RNF32: variants seen among roughly 807,000 people sequenced by gnomAD.
RNF32 encodes the protein ring finger protein 32.
In RNF32, 36 loss-of-function variants were observed where a neutral mutation model predicts 41.0. The observed-to-expected ratio is 0.88, with a 90% CI of 0.67 to 1.16. The LOEUF (loss-of-function observed/expected upper bound fraction) is 1.16. RNF32 is among the 50% of genes most tolerant of loss of function. RNF32 has a pLI of 0.00. For synonymous variants in RNF32, 154 were observed against 160.9 expected (o/e 0.96, Z 0.32); for missense variants, 413 against 436.7 (o/e 0.95, Z 0.48).
At chr7:156,640,701 G>A (rs937099372), upstream of RNF32, 1 of 286,326 alleles carries the variant, frequency 3.5e-6, no homozygotes, top group African/African-American at 2.4e-5. Flanking sequence ...CAAGCCCGCG[G>A]GGAGCGAGCG....
intron 8 of RNF32, 195 bp from the exon 9 acceptor site, chr7:156,676,224 A>C: frequency 6.7e-7 from 1 of 1,501,574 alleles, no homozygotes; most frequent in Non-Finnish European, 8.9e-7. Context: ...AGTTCCCAGG[A>C]GTAACAGAGT....
intron 7 of RNF32, chr7:156,660,079 C>T: frequency 1.0e-6 from 1 of 985,920 alleles, no homozygotes; most frequent in Non-Finnish European, 1.2e-6. Flanking sequence ...ATCCTTGGTT[C>T]ATCCCAACTG....
intron 3 of RNF32, among the ~76,000 whole-genome samples, chr7:156,650,588 ATT>A (rs1798585732): frequency 6.6e-6 from 1 of 152,180 alleles, no homozygotes; most frequent in Non-Finnish European, 1.5e-5. Flanking sequence ...TAAGGTCTTG[ATT>A]AGTTTATAAA....
upstream of RNF32, chr7:156,640,639 CG>C: frequency 2.7e-6 from 1 of 364,816 alleles, no homozygotes; most frequent in South Asian, 1.9e-5. Context: ...GTGGGCCGGG[CG>C]GGGCTGGCGA....
rs531589717 is a variant in RNF32 at position 156,642,029 on chromosome 7, G to A, written c.-78+1218G>A. ...TGTGCTTTTCTATCTCTCCACTCAC[G>A]CCTTAGTGAGTTTGTTCTTTCGGTT... On this transcript the variant is annotated intron_variant, in intron 1 of 8. Coordinates refer to ENST00000317955, the MANE Select transcript of RNF32 (RefSeq NM_030936.4). 1.7e-4 allele frequency among the ~76,000 whole-genome samples: 26 copies of A among 152,264 alleles called. 1 individual carries two copies. In the South Asian group the frequency reaches 3.7e-3, roughly 22 times the overall value.
intron 7 of RNF32, among the ~76,000 whole-genome samples, chr7:156,664,378 T>G (rs966286278): frequency 6.6e-6 from 1 of 152,066 alleles, no homozygotes; most frequent in African/African-American, 2.4e-5. Context: ...GGAGAATAGC[T>G]TGCACCCGGG....
At chr7:156,664,020 C>T (rs575319688) in intron 7 of RNF32, among the ~76,000 whole-genome samples, 48 of 152,276 alleles carry the variant, frequency 3.2e-4, no homozygotes, top group Admixed American at 5.9e-4. Context: ...GGGGAGATAA[C>T]GAGGGAACAG....
chr7:156,655,088 AG>A (rs1468147272), intron 4 of RNF32, among the ~76,000 whole-genome samples: 1 of 152,144 alleles, frequency 6.6e-6, no homozygotes, highest in Non-Finnish European at 1.5e-5. Flanking sequence ...GAGTCAGAAA[AG>A]AAAAAAAAAA....
rs1395462967 is a variant in RNF32 at position 156,658,490 on chromosome 7, GT to G, written c.606del (p.Arg203GlufsTer7). ...CCAAGCCTACTGGAGAGGATGTGTT[GT>G]TAGAAAGTGGTACAGAAACCTGAGG... ...RIQAYWRGCVVRKWYRNLRKT... is the reference protein window; with the variant it reads ...RIQAYWRGCVXRKWYRNLRKT... On this transcript the variant is annotated frameshift_variant, in exon 7 of 9. Transcript: ENST00000317955. LOFTEE classifies it high-confidence loss of function. The G allele has an allele frequency of 1.2e-6, 2 of 1,613,488 alleles. No homozygotes were observed. The highest frequency in any genetic ancestry group is 1.7e-6 in the Non-Finnish European group (2 of 1,179,416).
At position 156,675,682 on chromosome 7, in the gene RNF32, C is replaced by G. The variant is rs1264989494; in HGVS notation, c.685-14C>G. 5 of 1,600,626 alleles carry G rather than the reference C, an allele frequency of 3.1e-6. No homozygotes were observed. In the African/African-American group the frequency reaches 4.0e-5, roughly 13 times the overall value. ...GCTCAGGTGTGAGCTTACCCGCCCC[C>G]GCCTCCTCCTCAGTTCACAGAAATC... is the stretch of plus-strand genomic sequence containing the variant. On this transcript the variant is annotated splice_polypyrimidine_tract_variant and intron_variant, in intron 7 of 8. Coordinates refer to ENST00000317955, the MANE Select transcript of RNF32 (RefSeq NM_030936.4).
In RNF32 at chr7:156,676,603, A is replaced by AT. The variant is rs1804105663; in HGVS notation, c.1038dup (p.Ala347CysfsTer15). 3 of 1,614,126 alleles carry AT rather than the reference A, an allele frequency of 1.9e-6. No homozygotes were observed. Among genetic ancestry groups the AT allele is most frequent in the Non-Finnish European group, 2.5e-6 (3 of 1,180,010 alleles). ...TCCGTGGGAGACAGGCCTCCTTTCC[A>AT]TGCCTGTCCTCTCTGCCGCTCCTGC... On this transcript the variant is annotated frameshift_variant, in exon 9 of 9. Transcript: ENST00000317955. LOFTEE classifies it high-confidence loss of function.
intron 1 of RNF32, among the ~76,000 whole-genome samples, chr7:156,641,692 C>T (rs1244673700): frequency 6.6e-6 from 1 of 152,186 alleles, no homozygotes; most frequent in Non-Finnish European, 1.5e-5. Context: ...GATTAAATTG[C>T]AGACTGCAGC....
At chr7:156,666,226 A>G (rs940557758) in intron 7 of RNF32, among the ~76,000 whole-genome samples, 1 of 152,258 alleles carries the variant, frequency 6.6e-6, no homozygotes, top group Non-Finnish European at 1.5e-5. Flanking sequence ...GGATGAGATT[A>G]GCCCAAGCCA....
chr7:156,651,900 T>A (rs1173583459), intron 3 of RNF32, among the ~76,000 whole-genome samples: 1 of 152,224 alleles, frequency 6.6e-6, no homozygotes, highest in African/African-American at 2.4e-5. Context: ...GAATCCTCCG[T>A]GGTCCCCTCC....
chr7:156,657,655 C>T lies in RNF32; in HGVS notation c.450+82C>T. On this transcript the variant is annotated intron_variant, in intron 5 of 8. Coordinates refer to ENST00000317955, the MANE Select transcript of RNF32 (RefSeq NM_030936.4). ...AGAAACCATAGTCATTTTCAAGGCT[C>T]CTAAGGAGAGCCATTTATTTTATTC... The T allele has an allele frequency of 2.2e-6, 3 of 1,340,004 alleles. No individual in the cohort carries two copies. In the South Asian group the frequency reaches 3.5e-5, roughly 16 times the overall value. 83.0% of individuals were successfully genotyped at this position (1,340,004 alleles called of 1,614,324 possible). A position where few individuals can be genotyped will look rare whatever the true frequency, so the allele number is the denominator to read the frequency against.
chr7:156,675,333 A>C (rs1318979512), intron 7 of RNF32, among the ~76,000 whole-genome samples: 1 of 152,124 alleles, frequency 6.6e-6, no homozygotes. Context: ...GGTGCCTCTC[A>C]CAGGAGGGTC....
upstream of RNF32, chr7:156,640,576 G>A (rs1483889116): frequency 9.9e-6 from 4 of 404,564 alleles, no homozygotes; most frequent in African/African-American, 8.9e-5. Flanking sequence ...GCGGGGGCCG[G>A]CGAGCATGCG....
intron 7 of RNF32, among the ~76,000 whole-genome samples, chr7:156,662,209 C>A (rs1800759045): frequency 6.6e-6 from 1 of 152,196 alleles, no homozygotes; most frequent in Non-Finnish European, 1.5e-5. Context: ...AAGACCACTT[C>A]TTAATCATTT....
intron 3 of RNF32, chr7:156,646,382 A>G (rs1203104110): frequency 7.7e-6 from 10 of 1,295,272 alleles, no homozygotes; most frequent in South Asian, 2.5e-5. Flanking sequence ...CGTCACTCCA[A>G]TCTCTGCCTC....
Sources: gnomAD v4.1 joint callset for allele counts (sites outside exome capture counted in the v4.1 genomes callset) on GRCh38, gnomAD v4.1.1 for gene constraint, MANE v1.5 for transcripts, NCBI Gene and HGNC (gene_info 2026-07-23, HGNC 2026-07-21) for gene names.